The following KLF5 variants were observed in gnomAD, a reference collection of about 807,000 sequenced individuals.
KLF5 encodes the protein KLF transcription factor 5, also known as Krueppel-like factor 5.
In KLF5, 9 loss-of-function variants were observed where a neutral mutation model predicts 36.9. The ratio of observed to expected loss-of-function variants is 0.24; its 90% CI spans 0.15 to 0.43. The LOEUF is 0.43. KLF5 is among the 20% of genes least tolerant of loss of function. The pLI, the probability that KLF5 is intolerant of heterozygous loss-of-function variation, is 1.00. For missense variants in KLF5, 524 were observed against 599.5 expected, an observed-to-expected ratio of 0.87 and a Z score of 1.31; for synonymous variants, 246 against 241.7, an observed-to-expected ratio of 1.02 and a Z score of -0.17.
chr13:73,067,782 C>T (rs1008557346), intron 3 of KLF5, among the ~76,000 whole-genome samples: 7 of 151,718 alleles, frequency 4.6e-5, no homozygotes, highest in African/African-American at 1.7e-4. Flanking sequence ...ATTTGAAACA[C>T]GCCCGTAGGA....
rs533618470 is a variant in KLF5, at chr13:73,061,924, C to T, written c.325C>T (p.His109Tyr). 5.6e-5 allele frequency: 90 copies of T among 1,613,908 alleles called. No homozygotes were observed. In the East Asian group the frequency reaches 1.8e-3, roughly 33 times the overall value. ...QLPPVPIIPEHKKYRRDSASV... is the reference protein window; with the variant it reads ...QLPPVPIIPEYKKYRRDSASV... ...TCCTCCAGTTCCTATAATTCCAGAG[C>T]ATAAAAAGTATAGACGAGACAGTGC... The change falls in exon 2 of 4, where the codon CAT becomes TAT. Residue 109 changes from histidine (H) to tyrosine (Y), a missense_variant. Around this residue, in one of 4 missense-constraint regions of KLF5, gnomAD observed 454 missense variants for 458.1 expected, o/e 0.99. Coordinates refer to ENST00000377687, the MANE Select transcript of KLF5 (RefSeq NM_001730.5).
chr13:73,064,938 A>G (rs2044668778), intron 3 of KLF5, among the ~76,000 whole-genome samples: 1 of 152,200 alleles, frequency 6.6e-6, no homozygotes, highest in Non-Finnish European at 1.5e-5. Context: ...AATACTCCAA[A>G]TATTGTCAAA....
chr13:73,058,951 C>G (rs2044604394), upstream of KLF5: 2 of 164,030 alleles, frequency 1.2e-5, no homozygotes, highest in African/African-American at 4.8e-5. Context: ...ATCAGGCGAT[C>G]GGGCCCCGCC....
At chr13:73,075,279 A>G (rs1281368712) in intron 3 of KLF5, among the ~76,000 whole-genome samples, 1 of 152,102 alleles carries the variant, frequency 6.6e-6, no homozygotes, top group Non-Finnish European at 1.5e-5. Context: ...TCCCTCACCC[A>G]CCTTACAGCC....
In KLF5 at chr13:73,062,321, G is replaced by T. The variant is rs1319853757; in HGVS notation, c.722G>T (p.Ser241Ile). The T allele has an allele frequency of 1.9e-6, 3 of 1,614,134 alleles. No homozygotes were observed. In the Admixed American group the frequency reaches 5.0e-5, roughly 27 times the overall value. Residue 241 changes from serine to isoleucine, a missense_variant, in exon 2 of 4, where the codon AGT becomes ATT. Coordinates refer to ENST00000377687, the MANE Select transcript of KLF5 (RefSeq NM_001730.5). ...LLNTPDLDMPSSTNQTAAMDT... is the reference protein window; with the variant it reads ...LLNTPDLDMPISTNQTAAMDT... ...AATACACCGGATCTAGATATGCCCA[G>T]TTCTACAAATCAGACAGCAGCAATG...
At chr13:73,066,747 A>G (rs535920802) in intron 3 of KLF5, among the ~76,000 whole-genome samples, 1 of 152,300 alleles carries the variant, frequency 6.6e-6, no homozygotes, top group African/African-American at 2.4e-5. Flanking sequence ...GTAATCTGAG[A>G]TGACAGAGTA....
At chr13:73,067,762 G>T (rs2044690755) in intron 3 of KLF5, among the ~76,000 whole-genome samples, 1 of 151,852 alleles carries the variant, frequency 6.6e-6, no homozygotes, top group African/African-American at 2.4e-5. Flanking sequence ...ATTGACAATG[G>T]AAAAGGACAA....
intron 1 of KLF5, among the ~76,000 whole-genome samples, chr13:73,060,424 A>C (rs1299998240): frequency 6.6e-6 from 1 of 152,178 alleles, no homozygotes; most frequent in African/African-American, 2.4e-5. Context: ...AGAAACCACT[A>C]ACCGCCGCGG....
intron 3 of KLF5, among the ~76,000 whole-genome samples, chr13:73,074,289 C>T (rs748930799): frequency 9.2e-5 from 14 of 152,148 alleles, no homozygotes; most frequent in Admixed American, 3.3e-4. Context: ...ACTTCCTGAA[C>T]ATGATACTGC....
chr13:73,063,922 T>C, intron 3 of KLF5, 39 bp downstream of exon 3: 1 of 1,286,894 alleles, frequency 7.8e-7, no homozygotes, highest in Non-Finnish European at 1.1e-6. Flanking sequence ...GTTGTGTAAA[T>C]AGTGTAAGTG....
intron 3 of KLF5, among the ~76,000 whole-genome samples, chr13:73,071,657 T>A (rs1353570992): frequency 6.6e-6 from 1 of 152,222 alleles, no homozygotes; most frequent in Non-Finnish European, 1.5e-5. Flanking sequence ...TGAGCCTATT[T>A]CAGAGACTAA....
At chr13:73,062,768 ATGTAG>A in intron 2 of KLF5, 34 bp downstream of exon 2, 17 of 1,560,534 alleles carry the variant, frequency 1.1e-5, no homozygotes, top group Non-Finnish European at 1.5e-5. Flanking sequence ...GCATCAATAG[ATGTAG>A]TGTGTGTGTG....
At position 73,076,174 on chromosome 13, in the gene KLF5, G is replaced by A. The variant is rs750034997; in HGVS notation, c.*288G>A. 111 of 276,058 alleles carry A rather than the reference G, an allele frequency of 4.0e-4. 1 individual carries two copies. The highest frequency in any genetic ancestry group is 6.2e-4 in the Non-Finnish European group (92 of 149,106). The allele number at this position is 276,058 out of a possible 1,614,324, so 17.1% of individuals were successfully genotyped here. ...TCAACATGGGTAAGGGGTGGGGGTGGAGGGGAGTGTGTGCAGCGTTTTTAC... is the reference window on the plus strand; with the variant it reads ...TCAACATGGGTAAGGGGTGGGGGTGAAGGGGAGTGTGTGCAGCGTTTTTAC... On this transcript the variant is annotated 3_prime_UTR_variant, in exon 4 of 4. Transcript: ENST00000377687.
In KLF5 at chr13:73,076,555, G is replaced by A. The variant is rs1449886089; in HGVS notation, c.*669G>A. The stretch of plus-strand genomic sequence containing the variant: ...CACTTACAGTTAGGATTTGTGGTAA[G>A]GTACCTCTCAACATTACCAAAATCA... On this transcript the variant is annotated 3_prime_UTR_variant, in exon 4 of 4. Coordinates refer to ENST00000377687, the MANE Select transcript of KLF5 (RefSeq NM_001730.5). The A allele has an allele frequency of 1.3e-5, 2 of 152,458 alleles. No homozygotes were observed. Among genetic ancestry groups the A allele is most frequent in the Non-Finnish European group, 2.9e-5 (2 of 68,024 alleles). 9.4% of individuals were successfully genotyped at this position (152,458 alleles called of 1,614,324 possible). A position where few individuals can be genotyped will look rare whatever the true frequency, so the allele number is the denominator to read the frequency against.
chr13:73,064,090 C>T (rs1338309275), intron 3 of KLF5, among the ~76,000 whole-genome samples: 1 of 151,402 alleles, frequency 6.6e-6, no homozygotes, highest in Non-Finnish European at 1.5e-5. Context: ...GATGTTCCCT[C>T]ACTAAGGCCT....
chr13:73,060,479 C>T (rs1370277736), intron 1 of KLF5: 1 of 152,226 alleles, frequency 6.6e-6, no homozygotes, highest in African/African-American at 2.4e-5. Context: ...TTTCAAGACA[C>T]TTCATTTAGT....
chr13:73,059,888 T>A, intron 1 of KLF5: 1 of 803,826 alleles, frequency 1.2e-6, no homozygotes, highest in Non-Finnish European at 1.5e-6. Context: ...TTGTTTTTCT[T>A]ACACTTGAGG....
chr13:73,059,981 C>G (rs1265653748), intron 1 of KLF5: 2 of 178,680 alleles, frequency 1.1e-5, no homozygotes, highest in African/African-American at 4.8e-5. Context: ...GCATTGGAGC[C>G]CTCCCCCCCA....
intron 3 of KLF5, among the ~76,000 whole-genome samples, chr13:73,072,230 A>C (rs1043762563): frequency 6.8e-6 from 1 of 146,842 alleles, no homozygotes; most frequent in Non-Finnish European, 1.5e-5. Flanking sequence ...AGAGGGGGGA[A>C]AAAAAAGGAC....
Sources: allele counts gnomAD v4.1 joint callset (sites outside exome capture counted in the v4.1 genomes callset), GRCh38; gene constraint gnomAD v4.1.1; regional missense constraint gnomAD v4.1.1; transcripts MANE v1.5; gene names NCBI Gene and HGNC (gene_info 2026-07-23, HGNC 2026-07-21).